The following CFAP43 variants were observed in gnomAD, a reference collection of about 807,000 sequenced individuals.
CFAP43 encodes cilia- and flagella-associated protein 43.
A neutral mutation model predicts 218.9 loss-of-function variants in CFAP43; 155 were observed. The ratio of observed to expected loss-of-function variants is 0.71; its 90% confidence interval spans 0.62 to 0.81. The LOEUF is 0.81. Ranked by LOEUF, CFAP43 falls within the 30% of genes least tolerant of loss-of-function variation. The pLI is 0.00. For missense variants in CFAP43, 1,778 were observed against 1,954.3 expected, an observed-to-expected ratio of 0.91 and a Z score of 1.70; for synonymous variants, 645 against 681.3, an observed-to-expected ratio of 0.95 and a Z score of 0.83.
At chr10:104,151,227 T>C (rs1306088865) in intron 28 of CFAP43, among the ~76,000 whole-genome samples, 2 of 152,222 alleles carry the variant, frequency 1.3e-5, no homozygotes, top group Non-Finnish European at 2.9e-5. Flanking sequence ...GTCTTTATAA[T>C]AGAACAATTT....
In CFAP43 at chr10:104,162,422, T is replaced by A. The variant is rs927570533; in HGVS notation, c.3247-19A>T. On this transcript the variant is annotated intron_variant, in intron 24 of 37. Coordinates refer to ENST00000357060, the MANE Select transcript of CFAP43 (RefSeq NM_025145.7). The stretch of plus-strand genomic sequence containing the variant: ...CTGTAATCTGAAAGAGAAAATGTCA[T>A]TTCCTGCTATTATTCTTACAAAATT... 26 of 1,594,230 alleles carry A rather than the reference T, an allele frequency of 1.6e-5. No homozygotes were observed. The highest frequency in any genetic ancestry group is 2.0e-5 in the Non-Finnish European group (23 of 1,161,798).
chr10:104,146,666 G>A (rs1006442821), intron 29 of CFAP43, among the ~76,000 whole-genome samples: 2 of 152,134 alleles, frequency 1.3e-5, no homozygotes, highest in Non-Finnish European at 2.9e-5. Context: ...CCTGGGTTCT[G>A]AGAGACTGGA....
intron 6 of CFAP43, among the ~76,000 whole-genome samples, chr10:104,206,305 A>C (rs2090686948): frequency 1.3e-5 from 2 of 152,164 alleles, no homozygotes; most frequent in Non-Finnish European, 2.9e-5. Flanking sequence ...AGAATAGGAA[A>C]AAAGGCAGAT....
chr10:104,168,599 C>T, intron 21 of CFAP43, 145 bp downstream of exon 21: 1 of 632,842 alleles, frequency 1.6e-6, no homozygotes, highest in Non-Finnish European at 2.8e-6. Flanking sequence ...AGGGACACAT[C>T]CAGGTGAAAT....
At chr10:104,197,030 T>C in intron 9 of CFAP43, 97 bp from the exon 10 acceptor site, 1 of 890,116 alleles carries the variant, frequency 1.1e-6, no homozygotes. Context: ...TGATTTAGTA[T>C]AAAATTTCAT....
chr10:104,172,083 A>G (rs1221853444), intron 20 of CFAP43, among the ~76,000 whole-genome samples: 1 of 152,190 alleles, frequency 6.6e-6, no homozygotes, highest in African/African-American at 2.4e-5. Context: ...TAATTAAGAA[A>G]GGGCTTACTA....
intron 5 of CFAP43, 76 bp from the exon 6 acceptor site, chr10:104,207,900 C>A: frequency 1.4e-6 from 2 of 1,461,820 alleles, no homozygotes; most frequent in African/African-American, 1.4e-5. Flanking sequence ...ACCAGAACAA[C>A]TGACAAAAAG....
intron 32 of CFAP43, among the ~76,000 whole-genome samples, 165 bp downstream of exon 32, chr10:104,143,261 A>C (rs1235785049): frequency 6.6e-6 from 1 of 152,234 alleles, no homozygotes; most frequent in East Asian, 1.9e-4. Context: ...TTAGCCTTCA[A>C]TAGCACCAGG....
intron 23 of CFAP43, 145 bp downstream of exon 23, chr10:104,166,343 A>T (rs1038715618): frequency 6.3e-6 from 4 of 637,254 alleles, no homozygotes; most frequent in Non-Finnish European, 1.1e-5. Flanking sequence ...AAGTACTGGG[A>T]TTACAGGTGT....
chr10:104,135,460 G>A (rs4564255), intron 34 of CFAP43, among the ~76,000 whole-genome samples: 42,596 of 151,996 alleles, frequency 0.28, 8,596 homozygotes, highest in African/African-American at 0.58. Flanking sequence ...AGATTAATGA[G>A]TCTATATATA....
intron 8 of CFAP43, among the ~76,000 whole-genome samples, chr10:104,201,622 A>G (rs1214335517): frequency 6.6e-6 from 1 of 151,000 alleles, no homozygotes; most frequent in Admixed American, 6.6e-5. Context: ...GCCCCCCCCA[A>G]CTTATATTAT....
chr10:104,136,504 G>A (rs1325865365), intron 34 of CFAP43, among the ~76,000 whole-genome samples: 2 of 151,820 alleles, frequency 1.3e-5, no homozygotes, highest in African/African-American at 4.8e-5. Context: ...CTGAGTGGCT[G>A]GGATTACAGG....
chr10:104,207,556 TAAG>T (rs781078824), intron 6 of CFAP43, 106 bp downstream of exon 6: 29 of 1,048,088 alleles, frequency 2.8e-5, no homozygotes, highest in Non-Finnish European at 3.2e-5. Context: ...GCCAGAGGAT[TAAG>T]AAGAAGGAGG....
chr10:104,205,857 G>GT, intron 7 of CFAP43, 106 bp downstream of exon 7: 2 of 898,600 alleles, frequency 2.2e-6, no homozygotes, highest in East Asian at 5.2e-5. Context: ...AATTAATAAT[G>GT]TGACAGATCT....
Position 104,185,080 on chromosome 10 carries a change from T to C in CFAP43, c.2077A>G (p.Met693Val), listed in dbSNP as rs1241680251. The change falls in exon 16 of 38, where the codon ATG (methionine) becomes GTG (valine). Residue 693 changes from methionine to valine, a missense_variant. Met to Val is a conservative substitution (Grantham distance 21). Coordinates refer to ENST00000357060, the MANE Select transcript of CFAP43 (RefSeq NM_025145.7). ...GHGIQSMRISMDGQNILVNGR... is the reference protein window; with the variant it reads ...GHGIQSMRISVDGQNILVNGR... ...TTCACCAGAATGTTTTGTCCATCCA[T>C]TGAAATTCTCATTGACTGAATCCCA... is the stretch of plus-strand genomic sequence containing the variant. 7 of 1,614,046 alleles carry C rather than the reference T, an allele frequency of 4.3e-6. No individual in the cohort carries two copies. In the East Asian group the frequency reaches 6.7e-5, roughly 15 times the overall value.
At chr10:104,194,115 AAAGTGGC>A in intron 10 of CFAP43, 101 bp from the exon 11 acceptor site, 1 of 1,418,146 alleles carries the variant, frequency 7.1e-7, no homozygotes, top group South Asian at 1.3e-5. Flanking sequence ...CAGGATGAGA[AAAGTGGC>A]AAGTGTTGTG....
chr10:104,156,141 G>A (rs1207530171), intron 27 of CFAP43, among the ~76,000 whole-genome samples: 1 of 152,064 alleles, frequency 6.6e-6, no homozygotes, highest in Non-Finnish European at 1.5e-5. Flanking sequence ...GGAGTAAAGG[G>A]AAAGAAGGAA....
chr10:104,151,594 TG>T (rs1237257738), intron 28 of CFAP43, among the ~76,000 whole-genome samples: 6 of 152,228 alleles, frequency 3.9e-5, no homozygotes, highest in African/African-American at 9.6e-5. Context: ...TTAATGGGGT[TG>T]TTTTTTTTCT....
chr10:104,159,772 T>C (rs2088775791), intron 27 of CFAP43, among the ~76,000 whole-genome samples: 1 of 152,186 alleles, frequency 6.6e-6, no homozygotes, highest in South Asian at 2.1e-4. Flanking sequence ...GAAATGGTAC[T>C]CTAGGATCCT....
Sources: gnomAD v4.1 joint callset for allele counts (sites outside exome capture counted in the v4.1 genomes callset) on GRCh38, gnomAD v4.1.1 for gene constraint, MANE v1.5 for transcripts, NCBI Gene and HGNC (gene_info 2026-07-23, HGNC 2026-07-21) for gene names.